The following TET3 variants were observed in gnomAD, a reference collection of about 807,000 sequenced individuals.
TET3 encodes tet methylcytosine dioxygenase 3.
Under a neutral mutation model 141.4 loss-of-function variants are expected in TET3, and 19 were observed. The ratio of observed to expected loss-of-function variants is 0.13; its 90% confidence interval spans 0.09 to 0.20. The LOEUF is 0.20. Among genes scored for constraint, TET3 ranks in the 10% least tolerant of loss-of-function variants. TET3 has a pLI of 1.00. For synonymous variants in TET3, 1,043 were observed against 980.9 expected (o/e 1.06, Z -1.18); for missense variants, 1,874 against 2,356.9 (o/e 0.80, Z 4.24).
At chr2:74,123,510 A>G in the TET3 span, among the ~76,000 whole-genome samples, 13 of 152,336 alleles carry the variant, frequency 8.5e-5, no homozygotes, top group African/African-American at 3.1e-4. Context: ...GAAACACGCC[A>G]GCCAGGGCAG....
At chr2:74,004,603 C>T (rs1573663792) in intron 3 of TET3, among the ~76,000 whole-genome samples, 1 of 152,224 alleles carries the variant, frequency 6.6e-6, no homozygotes, top group East Asian at 1.9e-4. Context: ...ATCGGCTTCC[C>T]CGTCTAGCGG....
At position 74,101,859 on chromosome 2, in the gene TET3, C is replaced by T; in HGVS notation, c.5071C>T (p.Leu1691=). 1 of 1,613,268 alleles carries T rather than the reference C, an allele frequency of 6.2e-7. No homozygotes were observed. The highest frequency in any genetic ancestry group is 1.1e-5 in the South Asian group (1 of 91,086). ...PNRCHPTRIS[L]VFYQHKNLNQ... ...CCGCTGCCACCCCACCCGCATCTCG[C>T]TGGTCTTCTACCAGCACAAGAACCT... The change falls in exon 12 of 12, where the codon CTG becomes TTG. Residue 1691 remains leucine (L), a synonymous_variant. Transcript: ENST00000409262. This position sits in a 1 kb window ranked among gnomAD's most constrained non-coding sequence, Gnocchi z 8.5.
At chr2:73,990,665 A>G (rs776603488) in intron 2 of TET3, among the ~76,000 whole-genome samples, 8 of 152,224 alleles carry the variant, frequency 5.3e-5, no homozygotes, top group Non-Finnish European at 1.2e-4. Context: ...GGAAAGATAT[A>G]TGTGATGAGA....
chr2:74,090,158 G>A, intron 8 of TET3, 111 bp downstream of exon 8: 1 of 1,488,032 alleles, frequency 6.7e-7, no homozygotes, highest in Admixed American at 2.0e-5. Context: ...ACAGGAAGTG[G>A]AACTTGTTTT....
intron 3 of TET3, among the ~76,000 whole-genome samples, chr2:74,038,017 G>C (rs1245586578): frequency 6.6e-6 from 1 of 152,178 alleles, no homozygotes; most frequent in African/African-American, 2.4e-5. Context: ...TCCCCTGGGT[G>C]GGGAGAGCAG....
intron 3 of TET3, among the ~76,000 whole-genome samples, chr2:74,012,851 A>G (rs1384343423): frequency 6.6e-6 from 1 of 152,160 alleles, no homozygotes; most frequent in Non-Finnish European, 1.5e-5. Context: ...TGGTTTCATT[A>G]CATTTTATTA....
In TET3 at chr2:74,003,139, G is replaced by A. The variant is rs1684952447; in HGVS notation, c.333G>A (p.Gly111=). 1.9e-6 allele frequency: 3 copies of A among 1,550,424 alleles called. No homozygotes were observed. Among genetic ancestry groups the A allele is most frequent in the African/African-American group, 1.4e-5 (1 of 73,020 alleles). ...EVEIKAGEGA[G]PWGQGAAVKT... is the part of the protein sequence containing the mutation. ...AAATAAAGGCTGGTGAAGGAGCCGG[G>A]CCGTGGGGACAAGGAGCGGCTGTCA... is the stretch of plus-strand genomic sequence containing the variant. Residue 111 remains glycine, a synonymous_variant, in exon 3 of 12, where the codon GGG becomes GGA. Coordinates refer to ENST00000409262, the MANE Select transcript of TET3 (RefSeq NM_001287491.2).
downstream of TET3, among the ~76,000 whole-genome samples, chr2:74,110,213 C>G (rs2104293685): frequency 6.6e-6 from 1 of 152,100 alleles, no homozygotes; most frequent in Middle Eastern, 3.4e-3. Context: ...AGTCTGCGTG[C>G]AATTTTTTTT....
intron 4 of TET3, among the ~76,000 whole-genome samples, chr2:74,070,237 T>C (rs1689130032): frequency 6.6e-6 from 1 of 152,210 alleles, no homozygotes; most frequent in Non-Finnish European, 1.5e-5. Context: ...AGAGGTTTAA[T>C]GGACTCACAG....
the TET3 span, among the ~76,000 whole-genome samples, chr2:74,120,214 C>A: frequency 1.0e-3 from 152 of 152,342 alleles, no homozygotes; most frequent in African/African-American, 3.4e-3. Context: ...CCGGCTCCCC[C>A]GCCCGCCCAA....
At chr2:73,990,463 CT>C (rs1204779360) in intron 2 of TET3, among the ~76,000 whole-genome samples, 2 of 152,102 alleles carry the variant, frequency 1.3e-5, no homozygotes, top group African/African-American at 2.4e-5. Context: ...GTTTGCCAGC[CT>C]CTGTGCTGGG....
intron 3 of TET3, among the ~76,000 whole-genome samples, chr2:74,016,805 T>A (rs1685752423): frequency 6.7e-6 from 1 of 149,802 alleles, no homozygotes; most frequent in African/African-American, 2.5e-5. Context: ...TTTTTTTTTT[T>A]GCTTTTACTA....
At chr2:74,131,909 A>G in the TET3 span, among the ~76,000 whole-genome samples, 183 of 139,968 alleles carry the variant, frequency 1.3e-3, no homozygotes, top group African/African-American at 4.1e-3. Flanking sequence ...GGGGGGAAGA[A>G]CAACTGGGTG....
chr2:74,068,267 G>A (rs368802682), intron 4 of TET3, among the ~76,000 whole-genome samples: 17 of 151,134 alleles, frequency 1.1e-4, no homozygotes, highest in South Asian at 4.2e-4. Flanking sequence ...CTTAGAGTTC[G>A]TAATGACATA....
At chr2:74,068,550 G>GAT (rs950890257) in intron 4 of TET3, among the ~76,000 whole-genome samples, 3 of 152,122 alleles carry the variant, frequency 2.0e-5, no homozygotes, top group African/African-American at 7.2e-5. Context: ...TACAAACAAT[G>GAT]ATATAATGAG....
chr2:74,135,304 A>G, the TET3 span: 9 of 517,294 alleles, frequency 1.7e-5, no homozygotes, highest in Non-Finnish European at 2.4e-5. Context: ...TTCAAAAGAC[A>G]AAAAGCTGGC....
At chr2:74,015,861 A>G (rs911038828) in intron 3 of TET3, among the ~76,000 whole-genome samples, 2 of 152,270 alleles carry the variant, frequency 1.3e-5, no homozygotes, top group East Asian at 1.9e-4. Flanking sequence ...AATTTTTGCC[A>G]TTTGGCTAGG....
downstream of TET3, among the ~76,000 whole-genome samples, chr2:74,109,219 G>A (rs934345783): frequency 2.0e-5 from 3 of 152,128 alleles, no homozygotes; most frequent in African/African-American, 7.2e-5. Flanking sequence ...CTATTGGTTA[G>A]CTATAAATAT....
At chr2:74,039,877 C>T (rs556382114) in intron 3 of TET3, among the ~76,000 whole-genome samples, 39 of 152,228 alleles carry the variant, frequency 2.6e-4, no homozygotes, top group African/African-American at 9.2e-4. Flanking sequence ...CCCAAGAGAA[C>T]CAGGCAGAAG....
Sources: allele counts gnomAD v4.1 joint callset (sites outside exome capture counted in the v4.1 genomes callset), GRCh38; gene constraint gnomAD v4.1.1; non-coding constraint Gnocchi (gnomAD v3.1); transcripts MANE v1.5; gene names NCBI Gene and HGNC (gene_info 2026-07-23, HGNC 2026-07-21).